Variants in SNX8 observed in about 807,000 individuals in gnomAD.
The protein encoded by SNX8 is sorting nexin-8.
In SNX8, 25 loss-of-function variants were observed where a neutral mutation model predicts 51.6. The ratio of observed to expected loss-of-function variants is 0.48; its 90% CI spans 0.35 to 0.68. The LOEUF (loss-of-function observed/expected upper bound fraction) is 0.68, where lower values mean the gene tolerates loss of function less well. SNX8 is among the 30% of genes least tolerant of loss of function. The pLI is 0.00. For synonymous variants in SNX8, 324 were observed against 277.0 expected, an observed-to-expected ratio of 1.17 and a Z score of -1.68; for missense variants, 695 against 624.0, an observed-to-expected ratio of 1.11 and a Z score of -1.21.
chr7:2,336,693 C>A (rs1054518417), intron 1 of SNX8, among the ~76,000 whole-genome samples: 5 of 150,926 alleles, frequency 3.3e-5, no homozygotes, highest in Admixed American at 2.7e-4. Context: ...GGCTACAGAG[C>A]GAGACTCCTT....
intron 1 of SNX8, among the ~76,000 whole-genome samples, chr7:2,285,730 G>C (rs1378589421): frequency 6.6e-6 from 1 of 152,012 alleles, no homozygotes; most frequent in Non-Finnish European, 1.5e-5. Context: ...GCAGTGGCAC[G>C]ATCACAGCTC....
chr7:2,257,283 G>T, intron 9 of SNX8, 82 bp downstream of exon 9: 1 of 1,477,688 alleles, frequency 6.8e-7, no homozygotes, highest in Non-Finnish European at 9.1e-7. Flanking sequence ...ACCCAGGGGA[G>T]CCCACCAGGA....
At chr7:2,346,061 C>G (rs1358011500) in intron 1 of SNX8, among the ~76,000 whole-genome samples, 1 of 152,128 alleles carries the variant, frequency 6.6e-6, no homozygotes, top group African/African-American at 2.4e-5. Flanking sequence ...GCCTGCTCAG[C>G]CTCCCAAAGT....
intron 1 of SNX8, among the ~76,000 whole-genome samples, chr7:2,297,274 G>C (rs920034543): frequency 6.6e-6 from 1 of 151,788 alleles, no homozygotes; most frequent in Non-Finnish European, 1.5e-5. Context: ...AAAGGGGACG[G>C]GCATGGTGGC....
chr7:2,261,551 G>A (rs184454700), intron 7 of SNX8, among the ~76,000 whole-genome samples: 1 of 152,238 alleles, frequency 6.6e-6, no homozygotes, highest in Non-Finnish European at 1.5e-5. Context: ...TCACAGCACA[G>A]ACACACAATG....
intron 1 of SNX8, among the ~76,000 whole-genome samples, chr7:2,313,782 A>G (rs771621979): frequency 6.6e-6 from 1 of 152,174 alleles, no homozygotes; most frequent in Admixed American, 6.5e-5. Context: ...GATCACTTGA[A>G]AGAGAGAGAA....
chr7:2,292,746 C>A (rs1435661572), intron 1 of SNX8, among the ~76,000 whole-genome samples: 3 of 152,114 alleles, frequency 2.0e-5, no homozygotes, highest in Admixed American at 2.0e-4. Flanking sequence ...ACCAAAAGCA[C>A]AGCAACAAAA....
At chr7:2,282,598 G>GT (rs1369912636) in intron 1 of SNX8, among the ~76,000 whole-genome samples, 1 of 152,210 alleles carries the variant, frequency 6.6e-6, no homozygotes, top group African/African-American at 2.4e-5. Flanking sequence ...ACTTCAGACA[G>GT]TAACAACACA....
intron 2 of SNX8, among the ~76,000 whole-genome samples, chr7:2,277,269 C>T (rs1795801555): frequency 6.6e-6 from 1 of 152,222 alleles, no homozygotes; most frequent in Non-Finnish European, 1.5e-5. Flanking sequence ...GCATCAGGCA[C>T]TCGGTGTCTG....
At chr7:2,347,521 C>T (rs1290135564) in intron 1 of SNX8, among the ~76,000 whole-genome samples, 1 of 145,018 alleles carries the variant, frequency 6.9e-6, no homozygotes, top group African/African-American at 2.5e-5. Flanking sequence ...GAGCCTTTGG[C>T]TGAAGGCAGT....
chr7:2,351,006 C>T (rs1414988967), intron 1 of SNX8, among the ~76,000 whole-genome samples: 2 of 152,164 alleles, frequency 1.3e-5, no homozygotes, highest in Non-Finnish European at 2.9e-5. Context: ...ATAGTCTCAA[C>T]TACTCAGGAG....
chr7:2,267,969 A>C (rs1437753492), intron 5 of SNX8, among the ~76,000 whole-genome samples: 4 of 123,952 alleles, frequency 3.2e-5, no homozygotes, highest in South Asian at 2.8e-4. Flanking sequence ...CCGCCGCCCC[A>C]TCTGGGATGT....
intron 5 of SNX8, among the ~76,000 whole-genome samples, chr7:2,268,455 G>T (rs1365987438): frequency 1.4e-5 from 2 of 145,698 alleles, no homozygotes; most frequent in East Asian, 2.2e-4. Context: ...GAGGTGGGGG[G>T]GGTCAGCCCC....
intron 1 of SNX8, among the ~76,000 whole-genome samples, chr7:2,348,634 C>A (rs1779079281): frequency 6.6e-6 from 1 of 150,878 alleles, no homozygotes; most frequent in Non-Finnish European, 1.5e-5. Flanking sequence ...AGCCACCGTG[C>A]CCGGCCCAGT....
At chr7:2,269,671 T>G (rs1259898945) in intron 4 of SNX8, 32 bp from the exon 5 acceptor site, 2 of 1,490,202 alleles carry the variant, frequency 1.3e-6, no homozygotes, top group Non-Finnish European at 1.8e-6. Context: ...CTTCACCCTC[T>G]TCTACTAGCA....
chr7:2,327,120 G>C (rs1364342877), intron 1 of SNX8, among the ~76,000 whole-genome samples: 1 of 152,058 alleles, frequency 6.6e-6, no homozygotes, highest in Non-Finnish European at 1.5e-5. Context: ...CCAGCTTCTG[G>C]TGTTTGTCTC....
rs577689336 is a variant in SNX8 at position 2,299,984 on chromosome 7, C to CG, written c.94+14343_94+14344insC. 1.9e-3 allele frequency among the ~76,000 whole-genome samples: 283 copies of CG among 152,290 alleles called. 1 individual carries two copies. Among genetic ancestry groups the CG allele is most frequent in the African/African-American group, 6.5e-3 (270 of 41,552 alleles). The stretch of plus-strand genomic sequence containing the variant: ...AAGGAAGAAGGCGCACTTCCTTCTC[C>CG]TGGCTGCCTTAAGGGTAGACAACAA... On this transcript the variant is annotated intron_variant, in intron 1 of 10. Coordinates refer to ENST00000222990, the MANE Select transcript of SNX8 (RefSeq NM_013321.4).
chr7:2,312,763 C>CG (rs1554267434), intron 1 of SNX8, among the ~76,000 whole-genome samples: 145 of 152,220 alleles, frequency 9.5e-4, no homozygotes, highest in African/African-American at 3.3e-3. Context: ...TGTCCCCCCC[C>CG]ACCAAGAAGA....
intron 1 of SNX8, among the ~76,000 whole-genome samples, chr7:2,321,350 C>A (rs561657524): frequency 6.6e-6 from 1 of 152,274 alleles, no homozygotes; most frequent in South Asian, 2.1e-4. Flanking sequence ...TGCACCGACA[C>A]GTCTGCCTTC....
Sources: gnomAD v4.1 joint callset for allele counts (sites outside exome capture counted in the v4.1 genomes callset) on GRCh38, gnomAD v4.1.1 for gene constraint, MANE v1.5 for transcripts, NCBI Gene and HGNC (gene_info 2026-07-23, HGNC 2026-07-21) for gene names.